NDUFA1: variants seen among roughly 807,000 people sequenced by gnomAD.
NDUFA1 encodes NADH:ubiquinone oxidoreductase subunit A1, also known as NADH dehydrogenase [ubiquinone] 1 alpha subcomplex subunit 1.
For missense variants in NDUFA1, 42 were observed against 56.0 expected, an observed-to-expected ratio of 0.75 and a Z score of 0.80; for synonymous variants, 21 against 20.0, an observed-to-expected ratio of 1.05 and a Z score of -0.14.
intron 2 of NDUFA1, among the ~76,000 whole-genome samples, chrX:119,874,380 CG>C (rs1285276361): frequency 9.1e-6 from 1 of 109,585 alleles, no homozygotes; most frequent in Non-Finnish European, 1.9e-5. Context: ...GCCTGTTTCA[CG>C]GATGTGCTTT....
At chrX:119,872,817 G>T (rs752115712) in intron 1 of NDUFA1, among the ~76,000 whole-genome samples, 1 of 108,267 alleles carries the variant, frequency 9.2e-6, no homozygotes, top group East Asian at 2.9e-4. Context: ...GCCGCGACCG[G>T]CCACCCTTGA....
In NDUFA1 at chrX:119,873,071, GA is replaced by G. The variant is rs201390495; in HGVS notation, c.103-225del. ...TTTTTTTTTTTTTTTAAAAAAAAAG[GA>G]AAAAAAATTCATGTTGGTTAAAATA... On this transcript the variant is annotated intron_variant, in intron 1 of 2. Coordinates refer to ENST00000371437, the MANE Select transcript of NDUFA1 (RefSeq NM_004541.4). Among the ~76,000 whole-genome samples, 1,312 of 101,497 alleles carry G rather than the reference GA, an allele frequency of 0.013. 25 individuals carry two copies. The highest frequency in any genetic ancestry group is 0.041 in the African/African-American group (1,136 of 27,499). The allele number at this position is 101,497 out of a possible 115,157, so 88.1% of individuals were successfully genotyped here.
In NDUFA1 at chrX:119,876,584, A is replaced by C; in HGVS notation, c.*50A>C. ...AAAAATAACTCAGTTATGGCCATCT[A>C]CCCCTGCTAGAAGGTTACAGTGTAT... On this transcript the variant is annotated 3_prime_UTR_variant, in exon 3 of 3. Transcript: ENST00000371437. 1 of 1,107,392 alleles carries C rather than the reference A, an allele frequency of 9.0e-7. No individual in the cohort carries two copies. The highest frequency in any genetic ancestry group is 1.2e-6 in the Non-Finnish European group (1 of 800,893). The allele number at this position is 1,107,392 out of a possible 1,213,427, so 91.3% of individuals were successfully genotyped here.
At position 119,873,291 on chromosome X, in the gene NDUFA1, C is replaced by G. The variant is rs2056423445; in HGVS notation, c.103-13C>G. On this transcript the variant is annotated splice_polypyrimidine_tract_variant and intron_variant, in intron 1 of 2. Coordinates refer to ENST00000371437, the MANE Select transcript of NDUFA1 (RefSeq NM_004541.4). ...TTTTATAAACTGCAACAATAATTGT[C>G]TCTTATTTGAAGGAAAAAAGGGTTG... The G allele has an allele frequency of 2.1e-5, 25 of 1,187,041 alleles. No individual in the cohort carries two copies. The highest frequency in any genetic ancestry group is 2.7e-5 in the Non-Finnish European group (24 of 875,109).
chrX:119,874,130 C>T (rs146148204), intron 2 of NDUFA1, among the ~76,000 whole-genome samples: 25 of 110,377 alleles, frequency 2.3e-4, no homozygotes, highest in African/African-American at 6.9e-4. Flanking sequence ...AGCTAGTTAT[C>T]GCAATTACCC....
chrX:119,872,761 C>T (rs1241121300), intron 1 of NDUFA1, among the ~76,000 whole-genome samples: 1 of 101,176 alleles, frequency 9.9e-6, no homozygotes, highest in Non-Finnish European at 2.0e-5. Context: ...CTCGGTTGAT[C>T]CACCCGCCTT....
intron 1 of NDUFA1, 65 bp from the exon 2 acceptor site, chrX:119,873,239 G>A: frequency 1.2e-6 from 1 of 854,255 alleles, no homozygotes; most frequent in Non-Finnish European, 1.8e-6. Flanking sequence ...TTTAAAAATT[G>A]TAGTATCTAT....
intron 2 of NDUFA1, among the ~76,000 whole-genome samples, chrX:119,876,200 C>A (rs2056436415): frequency 1.4e-5 from 1 of 71,390 alleles, no homozygotes; most frequent in Admixed American, 2.1e-4. Context: ...AGTGAGACTC[C>A]ATCTCAAAAA....
chrX:119,873,320 A>G lies in NDUFA1; in HGVS notation c.119A>G (p.His40Arg). The change falls in exon 2 of 3, where the codon CAT (histidine) becomes CGT (arginine). Residue 40 changes from histidine (H) to arginine (R), a missense_variant. His to Arg is a conservative substitution (Grantham distance 29). Transcript: ENST00000371437. ...TNGGKEKRVAHFGYHWSLMER... is the reference protein window; with the variant it reads ...TNGGKEKRVARFGYHWSLMER... ...TATTTGAAGGAAAAAAGGGTTGCTC[A>G]TTTTGGGTATCACTGGAGTCTGATG... 8.3e-7 allele frequency: 1 copy of G among 1,210,006 alleles called. No homozygotes were observed. The highest frequency in any genetic ancestry group is 1.1e-6 in the Non-Finnish European group (1 of 894,200).
chrX:119,873,249 TCAATTGGGTCA>T, intron 1 of NDUFA1, 44 bp from the exon 2 acceptor site: 1 of 924,801 alleles, frequency 1.1e-6, no homozygotes, highest in Non-Finnish European at 1.6e-6. Flanking sequence ...GTAGTATCTA[TCAATTGGGTCA>T]CTCACTTTTA....
chrX:119,874,724 AT>A (rs1360204578), intron 2 of NDUFA1, among the ~76,000 whole-genome samples: 2 of 108,825 alleles, frequency 1.8e-5, no homozygotes, highest in Non-Finnish European at 3.8e-5. Flanking sequence ...GCCCAGCTAA[AT>A]TTTTTTTTGT....
At position 119,871,870 on chromosome X, in the gene NDUFA1, A is replaced by T. The variant is rs750246311; in HGVS notation, c.-42A>T. The T allele has an allele frequency of 8.5e-7, 1 of 1,182,829 alleles. No individual in the cohort carries two copies. The highest frequency in any genetic ancestry group is 1.7e-5 in the African/African-American group (1 of 57,156). ...AGAGGCGAAGCCAGGTCACCTTTCA[A>T]GGACCCAGAAGTAGGGTTTTGGCCT... On this transcript the variant is annotated 5_prime_UTR_variant, in exon 1 of 3. In the 5' UTR this introduces an upstream ATG that the reference lacks. Coordinates refer to ENST00000371437, the MANE Select transcript of NDUFA1 (RefSeq NM_004541.4).
Position 119,874,628 on chromosome X carries a change from C to T in NDUFA1, c.192+1235C>T, listed in dbSNP as rs192930371. Among the ~76,000 whole-genome samples, 129 of 111,350 alleles carry T rather than the reference C, an allele frequency of 1.2e-3. 1 individual carries two copies. Among genetic ancestry groups the T allele is most frequent in the African/African-American group, 4.1e-3 (126 of 30,680 alleles). On this transcript the variant is annotated intron_variant, in intron 2 of 2. Transcript: ENST00000371437. ...CTGGAGTGCAGTGGTGCAATCTTGGCTCACTGCAACCCCCGCCTCCCGGGT... is the reference window on the plus strand; with the variant it reads ...CTGGAGTGCAGTGGTGCAATCTTGGTTCACTGCAACCCCCGCCTCCCGGGT...
Position 119,871,897 on chromosome X carries a change from G to C in NDUFA1, c.-15G>C. ...GACCCAGAAGTAGGGTTTTGGCCTA[G>C]GTAACGGGGCAGAGATGTGGTTCGA... On this transcript the variant is annotated 5_prime_UTR_variant, in exon 1 of 3. Coordinates refer to ENST00000371437, the MANE Select transcript of NDUFA1 (RefSeq NM_004541.4). The C allele has an allele frequency of 1.7e-6, 2 of 1,208,815 alleles. No individual in the cohort carries two copies. The highest frequency in any genetic ancestry group is 1.8e-5 in the South Asian group (1 of 56,971).
rs1040130430 is a variant in NDUFA1, at chrX:119,876,455, A to G, written c.193-59A>G. 8 of 1,137,087 alleles carry G rather than the reference A, an allele frequency of 7.0e-6. No individual in the cohort carries two copies. In the Admixed American group the frequency reaches 1.3e-4, roughly 19 times the overall value. The allele number at this position is 1,137,087 out of a possible 1,213,427, so 93.7% of individuals were successfully genotyped here. On this transcript the variant is annotated intron_variant, in intron 2 of 2. Transcript: ENST00000371437. ...TTAATGACACTGGAAATAAAAGTACATGGCATATCTTTGATGGGAACAGAC... is the reference window on the plus strand; with the variant it reads ...TTAATGACACTGGAAATAAAAGTACGTGGCATATCTTTGATGGGAACAGAC...
chrX:119,874,710 C>T (rs1018626587), intron 2 of NDUFA1, among the ~76,000 whole-genome samples: 1 of 110,599 alleles, frequency 9.0e-6, no homozygotes, highest in African/African-American at 3.3e-5. Flanking sequence ...GCACCTGCCA[C>T]CATGCCCAGC....
chrX:119,873,429 G>A, intron 2 of NDUFA1, 36 bp downstream of exon 2: 1 of 1,107,643 alleles, frequency 9.0e-7, no homozygotes, highest in Non-Finnish European at 1.2e-6. Context: ...TTTTGCCAGG[G>A]TTGAGGTGGG....
In NDUFA1 at chrX:119,873,426, A is replaced by G. The variant is rs201825939; in HGVS notation, c.192+33A>G. 3.5e-6 allele frequency: 4 copies of G among 1,139,102 alleles called. No individual in the cohort carries two copies. In the East Asian group the frequency reaches 9.0e-5, roughly 26 times the overall value. 93.9% of individuals were successfully genotyped at this position (1,139,102 alleles called of 1,213,427 possible). A position where few individuals can be genotyped will look rare whatever the true frequency, so the allele number is the denominator to read the frequency against. The stretch of plus-strand genomic sequence containing the variant: ...GCCACTCTGATGCCAGCCTTTTGCC[A>G]GGGTTGAGGTGGGTTCTGGTAATGC... On this transcript the variant is annotated intron_variant, in intron 2 of 2. Coordinates refer to ENST00000371437, the MANE Select transcript of NDUFA1 (RefSeq NM_004541.4).
chrX:119,876,205 CAA>C (rs368203238), intron 2 of NDUFA1, among the ~76,000 whole-genome samples: 4 of 79,554 alleles, frequency 5.0e-5, no homozygotes, highest in Non-Finnish European at 2.4e-5. Flanking sequence ...GACTCCATCT[CAA>C]AAAAAAAAAA....
Sources: gnomAD v4.1 joint callset for allele counts (sites outside exome capture counted in the v4.1 genomes callset) on GRCh38, gnomAD v4.1.1 for gene constraint, MANE v1.5 for transcripts, NCBI Gene and HGNC (gene_info 2026-07-23, HGNC 2026-07-21) for gene names.